Variants in LSAMP observed in about 807,000 individuals in gnomAD.
LSAMP encodes the protein limbic system-associated membrane protein.
A neutral mutation model predicts 38.6 loss-of-function variants in LSAMP; 7 were observed. The observed-to-expected ratio is 0.18, with a 90% CI of 0.10 to 0.34. The LOEUF (loss-of-function observed/expected upper bound fraction) is 0.34. Ranked by LOEUF, LSAMP falls within the 10% of genes least tolerant of loss-of-function variation. The pLI is 1.00. For synonymous variants in LSAMP, 154 were observed against 166.8 expected, an observed-to-expected ratio of 0.92 and a Z score of 0.59; for missense variants, 313 against 420.0, an observed-to-expected ratio of 0.75 and a Z score of 2.23.
chr3:115,956,638 A>G (rs1169914702), intron 3 of LSAMP, among the ~76,000 whole-genome samples: 1 of 152,160 alleles, frequency 6.6e-6, no homozygotes, highest in Non-Finnish European at 1.5e-5. Context: ...AAAGATTTGG[A>G]TTTAGGTTTA....
intron 1 of LSAMP, among the ~76,000 whole-genome samples, chr3:116,095,537 CCCTT>C (rs1283343943): frequency 6.6e-6 from 1 of 152,198 alleles, no homozygotes; most frequent in Non-Finnish European, 1.5e-5. Context: ...TCAACAAACT[CCCTT>C]CCGGCACCAT....
intron 1 of LSAMP, among the ~76,000 whole-genome samples, chr3:116,348,123 C>G (rs2048088142): frequency 6.6e-6 from 1 of 152,012 alleles, no homozygotes; most frequent in Non-Finnish European, 1.5e-5. Flanking sequence ...ATCAACTATA[C>G]AGTCACCCTA....
intron 1 of LSAMP, among the ~76,000 whole-genome samples, chr3:116,342,598 T>C (rs1426603819): frequency 6.6e-6 from 1 of 152,018 alleles, no homozygotes; most frequent in African/African-American, 2.4e-5. Context: ...AAGCTTTCAG[T>C]TGGAAAAAGC....
chr3:116,213,296 T>C (rs1018813765), intron 1 of LSAMP, among the ~76,000 whole-genome samples: 6 of 152,230 alleles, frequency 3.9e-5, no homozygotes, highest in Admixed American at 2.6e-4. Context: ...AGCAGCTCTT[T>C]CCTGTGCTGG....
chr3:115,878,374 G>A (rs548488318), intron 3 of LSAMP, among the ~76,000 whole-genome samples: 28 of 150,712 alleles, frequency 1.9e-4, no homozygotes, highest in African/African-American at 6.6e-4. Flanking sequence ...GACAAACAAG[G>A]AAGAGATAAG....
chr3:116,201,390 T>C (rs1380625689), intron 1 of LSAMP, among the ~76,000 whole-genome samples: 1 of 152,210 alleles, frequency 6.6e-6, no homozygotes, highest in Non-Finnish European at 1.5e-5. Flanking sequence ...GTCACCTTTG[T>C]ACCTTTAGTG....
intron 1 of LSAMP, among the ~76,000 whole-genome samples, chr3:116,306,996 A>G (rs2107712682): frequency 6.6e-6 from 1 of 152,140 alleles, no homozygotes; most frequent in South Asian, 2.1e-4. Context: ...ACCTTTGGAA[A>G]TGAAGGGTAT....
At chr3:116,261,960 G>C (rs915763972) in intron 1 of LSAMP, among the ~76,000 whole-genome samples, 2 of 150,988 alleles carry the variant, frequency 1.3e-5, no homozygotes, top group Admixed American at 1.3e-4. Context: ...TAAAGTAAGA[G>C]ACCAGTTGAG....
chr3:116,354,980 T>C, intron 1 of LSAMP, among the ~76,000 whole-genome samples: 1 of 152,182 alleles, frequency 6.6e-6, no homozygotes, highest in South Asian at 2.1e-4. Context: ...CATTCCATTA[T>C]AGATGCTGTT....
chr3:116,373,492 G>A (rs1426069871), intron 1 of LSAMP, among the ~76,000 whole-genome samples: 1 of 151,614 alleles, frequency 6.6e-6, no homozygotes, highest in African/African-American at 2.4e-5. Context: ...AAGAATTATG[G>A]AGATGATAGT....
Position 116,002,691 on chromosome 3 carries a change from C to G in LSAMP, c.514+16824G>C, listed in dbSNP as rs960347582. 2.0e-5 allele frequency among the ~76,000 whole-genome samples: 3 copies of G among 152,122 alleles called. No individual in the cohort carries two copies. The East Asian group carries it at 5.8e-4, about 29-fold the overall frequency. ...GGAAGAAAGTACATGCAAATGGAAC[C>G]AAAATGGGCTTCTGTTTCTCAGCTG... On this transcript the variant is annotated intron_variant, in intron 3 of 6. Coordinates refer to ENST00000490035, the MANE Select transcript of LSAMP (RefSeq NM_002338.5).
At chr3:115,864,376 C>A (rs1263353264) in intron 3 of LSAMP, among the ~76,000 whole-genome samples, 1 of 152,216 alleles carries the variant, frequency 6.6e-6, no homozygotes, top group Non-Finnish European at 1.5e-5. Context: ...GTCACCATCA[C>A]TTTTCCTACA....
intron 1 of LSAMP, among the ~76,000 whole-genome samples, chr3:116,241,824 T>C (rs915879755): frequency 6.6e-6 from 1 of 152,216 alleles, no homozygotes; most frequent in South Asian, 2.1e-4. Context: ...TCCAAATATG[T>C]TTCCTCACCA....
intron 1 of LSAMP, among the ~76,000 whole-genome samples, chr3:116,410,516 A>C (rs1486194901): frequency 6.6e-6 from 1 of 151,870 alleles, no homozygotes; most frequent in Non-Finnish European, 1.5e-5. Context: ...CTGGGAACAA[A>C]CTTCCTTTGC....
At chr3:116,282,244 T>C (rs2047136121) in intron 1 of LSAMP, among the ~76,000 whole-genome samples, 1 of 151,810 alleles carries the variant, frequency 6.6e-6, no homozygotes, top group Admixed American at 6.5e-5. Flanking sequence ...GTTGTTTGCC[T>C]TTGATTTCCC....
At chr3:115,934,920 A>G (rs2091021222) in intron 3 of LSAMP, among the ~76,000 whole-genome samples, 2 of 152,194 alleles carry the variant, frequency 1.3e-5, no homozygotes, top group African/African-American at 4.8e-5. Flanking sequence ...AACACTGTGT[A>G]CAAGTGATGA....
intron 6 of LSAMP, among the ~76,000 whole-genome samples, chr3:115,840,983 T>C (rs1225895984): frequency 1.3e-5 from 2 of 152,246 alleles, no homozygotes; most frequent in Non-Finnish European, 2.9e-5. Flanking sequence ...CTATTCCAGA[T>C]GTTATCATTT....
At chr3:116,184,396 A>G (rs1367355516) in intron 1 of LSAMP, among the ~76,000 whole-genome samples, 1 of 152,042 alleles carries the variant, frequency 6.6e-6, no homozygotes, top group East Asian at 1.9e-4. Flanking sequence ...CTTAGTCATT[A>G]TATTACACTG....
At chr3:116,037,477 C>T (rs985154807) in intron 2 of LSAMP, among the ~76,000 whole-genome samples, 6 of 152,028 alleles carry the variant, frequency 3.9e-5, no homozygotes, top group African/African-American at 1.2e-4. Context: ...CAGTAGGGCT[C>T]CTTCATGCTA....
Sources: gnomAD v4.1 joint callset for allele counts (sites outside exome capture counted in the v4.1 genomes callset) on GRCh38, gnomAD v4.1.1 for gene constraint, MANE v1.5 for transcripts, NCBI Gene and HGNC (gene_info 2026-07-23, HGNC 2026-07-21) for gene names.